DLGAP2: variants seen among roughly 807,000 people sequenced by gnomAD.
DLGAP2 encodes the protein disks large-associated protein 2.
DLGAP2 carries 26 observed loss-of-function variants against 100.3 expected under a neutral mutation model. The observed-to-expected ratio is 0.26, with a 90% confidence interval of 0.19 to 0.36. The LOEUF is 0.36. DLGAP2 is among the 10% of genes least tolerant of loss of function. The pLI is 1.00. For missense variants in DLGAP2, 1,858 were observed against 1,453.2 expected (o/e 1.28, Z -4.53); for synonymous variants, 886 against 630.1 (o/e 1.41, Z -6.08).
chr8:1,586,735 C>CT, intron 6 of DLGAP2, among the ~76,000 whole-genome samples: 1 of 152,330 alleles, frequency 6.6e-6, no homozygotes, highest in African/African-American at 2.4e-5. Flanking sequence ...TGCTGCGTGA[C>CT]TTTAACATTA....
chr8:1,124,533 G>C (rs1157041443), intron 2 of DLGAP2, among the ~76,000 whole-genome samples: 1 of 152,094 alleles, frequency 6.6e-6, no homozygotes, highest in African/African-American at 2.4e-5. Context: ...TTTTCTGTTT[G>C]TTTTCTACCA....
chr8:1,188,102 C>T (rs1273039075), intron 2 of DLGAP2, among the ~76,000 whole-genome samples: 5 of 141,172 alleles, frequency 3.5e-5, no homozygotes, highest in African/African-American at 1.1e-4. Flanking sequence ...CTCACACACC[C>T]GGGACCTCCG....
intron 2 of DLGAP2, chr8:927,221 C>T (rs1798835632): frequency 1.0e-6 from 1 of 985,298 alleles, no homozygotes; most frequent in Non-Finnish European, 1.2e-6. Context: ...GTTTATAGAA[C>T]ATGATCCATT....
At chr8:854,089 C>G (rs1404128828) in intron 1 of DLGAP2, among the ~76,000 whole-genome samples, 2 of 152,200 alleles carry the variant, frequency 1.3e-5, no homozygotes, top group Non-Finnish European at 2.9e-5. Context: ...TGGTGGACTT[C>G]CAGCCTCCAG....
At chr8:836,765 C>G (rs1225692874) in intron 1 of DLGAP2, among the ~76,000 whole-genome samples, 1 of 152,170 alleles carries the variant, frequency 6.6e-6, no homozygotes, top group Non-Finnish European at 1.5e-5. Flanking sequence ...GTGAACACCA[C>G]GTTAACAAGC....
At chr8:1,513,030 G>C (rs976730902) in intron 4 of DLGAP2, among the ~76,000 whole-genome samples, 60 of 152,210 alleles carry the variant, frequency 3.9e-4, no homozygotes, top group African/African-American at 1.4e-3. Context: ...GAGGAGGATG[G>C]AAGAGGCCAC....
chr8:939,908 TC>T (rs1221234007), intron 2 of DLGAP2, among the ~76,000 whole-genome samples: 1 of 151,072 alleles, frequency 6.6e-6, no homozygotes, highest in Non-Finnish European at 1.5e-5. Flanking sequence ...CAGGCTGCGG[TC>T]CCATGAGGGG....
chr8:1,558,250 G>A (rs534537844), intron 5 of DLGAP2, among the ~76,000 whole-genome samples: 1 of 152,230 alleles, frequency 6.6e-6, no homozygotes, highest in Non-Finnish European at 1.5e-5. Context: ...AAAGGGCCCA[G>A]TCACGTGTGC....
intron 2 of DLGAP2, among the ~76,000 whole-genome samples, chr8:980,140 G>A (rs1049567468): frequency 1.3e-5 from 2 of 152,188 alleles, no homozygotes; most frequent in Non-Finnish European, 2.9e-5. Flanking sequence ...AGTGACTGAA[G>A]AGGAGACCTC....
At chr8:1,331,954 C>G (rs1801166875) in intron 3 of DLGAP2, among the ~76,000 whole-genome samples, 1 of 152,170 alleles carries the variant, frequency 6.6e-6, no homozygotes, top group South Asian at 2.1e-4. Flanking sequence ...GAGGGCACAG[C>G]CACCTCCTGC....
intron 3 of DLGAP2, among the ~76,000 whole-genome samples, chr8:1,272,916 C>A (rs1228225086): frequency 6.6e-6 from 1 of 152,080 alleles, no homozygotes; most frequent in East Asian, 1.9e-4. Context: ...TTCATGACCA[C>A]GTAAAAGGTG....
chr8:1,210,633 C>G (rs927827049), intron 2 of DLGAP2, among the ~76,000 whole-genome samples: 2 of 152,188 alleles, frequency 1.3e-5, no homozygotes, highest in African/African-American at 4.8e-5. Context: ...GCCTAGTTCC[C>G]TCTTGCCATG....
intron 3 of DLGAP2, among the ~76,000 whole-genome samples, chr8:1,355,999 G>A (rs1801840802): frequency 1.3e-5 from 2 of 152,110 alleles, no homozygotes; most frequent in Non-Finnish European, 2.9e-5. Context: ...GGGTGTTTGT[G>A]TATTTCCCCC....
Position 1,647,222 on chromosome 8 carries a change from A to T in DLGAP2, c.1810+14176A>T, listed in dbSNP as rs570827341. On this transcript the variant is annotated intron_variant, in intron 8 of 14. Transcript: ENST00000637795. Reference sequence around the variant, plus strand: ...AGCTAGAGTCCATGACCCCAGGGGAACCCTAGCGTAAGGTATTCATGAATT... The same window carrying T: ...AGCTAGAGTCCATGACCCCAGGGGATCCCTAGCGTAAGGTATTCATGAATT... Among the ~76,000 whole-genome samples the T allele has an allele frequency of 1.4e-4, 21 of 152,226 alleles. No homozygotes were observed. The East Asian group carries it at 3.9e-3, about 28-fold the overall frequency.
intron 3 of DLGAP2, among the ~76,000 whole-genome samples, chr8:1,288,491 TG>T (rs1799989179): frequency 1.0e-4 from 15 of 144,380 alleles, no homozygotes; most frequent in African/African-American, 3.7e-4. Context: ...TCAGTGTGTG[TG>T]TGTGTGTGTG....
chr8:1,476,806 T>G (rs1284720523), intron 3 of DLGAP2, among the ~76,000 whole-genome samples: 1 of 147,402 alleles, frequency 6.8e-6, no homozygotes, highest in Non-Finnish European at 1.5e-5. Flanking sequence ...GACCCACCCG[T>G]GATGGCTGAG....
intron 2 of DLGAP2, among the ~76,000 whole-genome samples, chr8:943,607 T>C (rs1214411571): frequency 2.0e-5 from 3 of 151,564 alleles, no homozygotes; most frequent in Non-Finnish European, 2.9e-5. Flanking sequence ...TACACGATCA[T>C]GTGGAGGAGC....
rs566236035 is a variant in DLGAP2, at chr8:1,389,833, C to G, written c.107-111533C>G. On this transcript the variant is annotated intron_variant, in intron 3 of 14. Transcript: ENST00000637795. ...GCAAGGATCCAACGCAGACCCAGAT[C>G]TGCCCCAGACCCAGATCTGCCTTTT... is the stretch of plus-strand genomic sequence containing the variant. Among the ~76,000 whole-genome samples, 6 of 152,248 alleles carry G rather than the reference C, an allele frequency of 3.9e-5. No individual in the cohort carries two copies. The South Asian group carries it at 1.2e-3, about 32-fold the overall frequency.
intron 1 of DLGAP2, among the ~76,000 whole-genome samples, chr8:865,092 C>T (rs1370673445): frequency 2.0e-5 from 3 of 152,166 alleles, no homozygotes; most frequent in African/African-American, 4.8e-5. Flanking sequence ...GTCTCATGGC[C>T]GCTGTCCCTG....
Sources: allele counts gnomAD v4.1 joint callset (sites outside exome capture counted in the v4.1 genomes callset), GRCh38; gene constraint gnomAD v4.1.1; transcripts MANE v1.5; gene names NCBI Gene and HGNC (gene_info 2026-07-23, HGNC 2026-07-21).